KIAA0232: variants seen among roughly 807,000 people sequenced by gnomAD.
The protein encoded by KIAA0232 is uncharacterized protein KIAA0232.
KIAA0232 carries 27 observed loss-of-function variants against 122.0 expected under a neutral mutation model. The observed-to-expected ratio is 0.22, with a 90% confidence interval of 0.16 to 0.31. The LOEUF is 0.31. KIAA0232 is among the 10% of genes least tolerant of loss of function. KIAA0232 has a pLI of 1.00. For synonymous variants in KIAA0232, 613 were observed against 587.6 expected (o/e 1.04, Z -0.63); for missense variants, 1,551 against 1,634.2 (o/e 0.95, Z 0.88).
intron 2 of KIAA0232, among the ~76,000 whole-genome samples, chr4:6,819,535 A>G (rs1198735738): frequency 6.6e-6 from 1 of 152,226 alleles, no homozygotes; most frequent in Non-Finnish European, 1.5e-5. Flanking sequence ...AGAGAAATGC[A>G]AATCAAAACC....
At chr4:6,836,313 GTTGT>G (rs780901365) in intron 3 of KIAA0232, among the ~76,000 whole-genome samples, 320 of 150,230 alleles carry the variant, frequency 2.1e-3, no homozygotes, top group Non-Finnish European at 2.7e-3. Context: ...TTTTGATGGG[GTTGT>G]TTGTTTGTTT....
rs1304864905 is a variant in KIAA0232, at chr4:6,862,692, C to T, written c.2310C>T (p.Asn770=). 6.2e-7 allele frequency: 1 copy of T among 1,611,084 alleles called. No individual in the cohort carries two copies. Among genetic ancestry groups the T allele is most frequent in the African/African-American group, 1.3e-5 (1 of 74,626 alleles). Residue 770 remains asparagine, a synonymous_variant, in exon 7 of 10, where the codon AAC becomes AAT. Transcript: ENST00000307659. ...TGCAAGATGAAACTTGCCAGCAAAACAGTAGAACTTTAGGTGAGATTCCTA... is the reference window on the plus strand; with the variant it reads ...TGCAAGATGAAACTTGCCAGCAAAATAGTAGAACTTTAGGTGAGATTCCTA... ...DFLQDETCQQ[N]SRTLGEIPTL...
At chr4:6,809,335 T>G (rs1717773546) in intron 2 of KIAA0232, among the ~76,000 whole-genome samples, 1 of 152,190 alleles carries the variant, frequency 6.6e-6, no homozygotes, top group Non-Finnish European at 1.5e-5. Flanking sequence ...CTAAGAGACT[T>G]GCTTTGACTC....
chr4:6,862,462 A>T lies in KIAA0232; in HGVS notation c.2080A>T (p.Asn694Tyr). The T allele has an allele frequency of 6.2e-7, 1 of 1,614,178 alleles. No homozygotes were observed. Among genetic ancestry groups the T allele is most frequent in the South Asian group, 1.1e-5 (1 of 91,084 alleles). The change falls in exon 7 of 10, where the codon AAT (asparagine) becomes TAT (tyrosine). Residue 694 changes from asparagine to tyrosine, a missense_variant. Physicochemically the swap from Asn to Tyr is moderately radical, Grantham distance 143. Transcript: ENST00000307659. ...TQSRLLIWTKNSAFEENEHCS... is the reference protein window; with the variant it reads ...TQSRLLIWTKYSAFEENEHCS... ...GTCTAGATTGCTAATATGGACCAAAAATAGTGCCTTTGAAGAAAATGAACA... is the reference window on the plus strand; with the variant it reads ...GTCTAGATTGCTAATATGGACCAAATATAGTGCCTTTGAAGAAAATGAACA...
At chr4:6,877,606 T>A (rs1449699654) in intron 9 of KIAA0232, among the ~76,000 whole-genome samples, 1 of 152,032 alleles carries the variant, frequency 6.6e-6, no homozygotes, top group Admixed American at 6.5e-5. Context: ...ACTGAAGAAC[T>A]TGGAGTCCGA....
At chr4:6,847,225 C>A (rs1203950411) in intron 4 of KIAA0232, among the ~76,000 whole-genome samples, 1 of 152,114 alleles carries the variant, frequency 6.6e-6, no homozygotes, top group Non-Finnish European at 1.5e-5. Context: ...GTTATAGTTA[C>A]AATGTGAACT....
At chr4:6,823,542 G>A (rs926310947) in intron 2 of KIAA0232, among the ~76,000 whole-genome samples, 8 of 152,008 alleles carry the variant, frequency 5.3e-5, no homozygotes, top group African/African-American at 9.7e-5. Flanking sequence ...CTAAAGTTTC[G>A]AGCCTTACAA....
chr4:6,880,608 C>T (rs1722020712), intron 9 of KIAA0232, among the ~76,000 whole-genome samples, 179 bp from the exon 10 acceptor site: 1 of 152,220 alleles, frequency 6.6e-6, no homozygotes, highest in South Asian at 2.1e-4. Flanking sequence ...GATTTTGGAT[C>T]CTTCATGGAT....
intron 1 of KIAA0232, among the ~76,000 whole-genome samples, chr4:6,800,038 TC>T (rs1560163342): frequency 8.3e-6 from 1 of 121,022 alleles, no homozygotes; most frequent in African/African-American, 3.1e-5. Context: ...TTTCTTTCTT[TC>T]TTTCTTTTTT....
At chr4:6,831,239 G>A (rs1043458510) in intron 3 of KIAA0232, among the ~76,000 whole-genome samples, 11 of 151,674 alleles carry the variant, frequency 7.3e-5, no homozygotes, top group Admixed American at 5.3e-4. Flanking sequence ...TATTTTTAGT[G>A]GAGACAGGGT....
intron 3 of KIAA0232, among the ~76,000 whole-genome samples, chr4:6,825,308 T>C (rs763635964): frequency 6.6e-6 from 1 of 152,168 alleles, no homozygotes; most frequent in East Asian, 1.9e-4. Flanking sequence ...CCCAACACTT[T>C]GGGAGGCCGA....
chr4:6,784,011 G>C (rs1716492996), intron 1 of KIAA0232, among the ~76,000 whole-genome samples: 1 of 152,152 alleles, frequency 6.6e-6, no homozygotes, highest in African/African-American at 2.4e-5. Context: ...TCTTGGTACA[G>C]ACCCCTAAAT....
chr4:6,863,542 G>A lies in KIAA0232; in HGVS notation c.3160G>A (p.Val1054Ile), dbSNP rs2108804225. The A allele has an allele frequency of 1.2e-6, 2 of 1,614,102 alleles. No homozygotes were observed. Among genetic ancestry groups the A allele is most frequent in the Middle Eastern group, 3.3e-4 (2 of 6,062 alleles). Residue 1054 changes from valine to isoleucine, a missense_variant, in exon 7 of 10, where the codon GTA (valine) becomes ATA (isoleucine). Around this residue, in one of 5 missense-constraint regions of KIAA0232, gnomAD observed 1,108 missense variants for 1,154.8 expected, o/e 0.96. Coordinates refer to ENST00000307659, the MANE Select transcript of KIAA0232 (RefSeq NM_014743.3). ...LSNPFSQVLH[V>I]ECSFEPEGIA... ...CAATCCATTTTCACAAGTTCTTCAT[G>A]TAGAATGCTCATTTGAACCTGAAGG...
intron 8 of KIAA0232, among the ~76,000 whole-genome samples, chr4:6,875,539 T>C (rs1721704907): frequency 6.6e-6 from 1 of 152,098 alleles, no homozygotes; most frequent in African/African-American, 2.4e-5. Flanking sequence ...GCCCAGATGG[T>C]CTTACCCTTG....
chr4:6,784,095 T>C (rs1192535186), intron 1 of KIAA0232, among the ~76,000 whole-genome samples: 1 of 151,982 alleles, frequency 6.6e-6, no homozygotes, highest in African/African-American at 2.4e-5. Context: ...TATAAAGATT[T>C]AACCCAGTTA....
chr4:6,798,852 G>T (rs1234064272), intron 1 of KIAA0232, among the ~76,000 whole-genome samples: 1 of 152,166 alleles, frequency 6.6e-6, no homozygotes, highest in African/African-American at 2.4e-5. Context: ...GTGCCCAGCT[G>T]CTGTGTACTA....
At chr4:6,826,950 A>G (rs1409117278) in intron 3 of KIAA0232, among the ~76,000 whole-genome samples, 4 of 152,240 alleles carry the variant, frequency 2.6e-5, no homozygotes, top group Non-Finnish European at 4.4e-5. Context: ...TTGTGGTCAG[A>G]GATAAGATGA....
rs61021076 is a variant in KIAA0232 at position 6,882,625 on chromosome 4, G to GGTGTGT, written c.*1677_*1682dup. ...ATTTTTTGACACTTTAAGGTGGGTG[G>GGTGTGT]GTGTGTGTGTGTGTGTGTGTGTGCG... On this transcript the variant is annotated 3_prime_UTR_variant, in exon 10 of 10. Coordinates refer to ENST00000307659, the MANE Select transcript of KIAA0232 (RefSeq NM_014743.3). The GGTGTGT allele has an allele frequency of 1.2e-4, 18 of 150,554 alleles. No individual in the cohort carries two copies. The highest frequency in any genetic ancestry group is 1.2e-3 in the East Asian group (6 of 5,144). The allele number at this position is 150,554 out of a possible 1,614,324, so 9.3% of individuals were successfully genotyped here.
chr4:6,794,130 C>T (rs1489817778), intron 1 of KIAA0232, among the ~76,000 whole-genome samples: 2 of 152,200 alleles, frequency 1.3e-5, no homozygotes, highest in Non-Finnish European at 2.9e-5. Flanking sequence ...TTGACTTCCA[C>T]TTGGTCGGAT....
Sources: allele counts gnomAD v4.1 joint callset (sites outside exome capture counted in the v4.1 genomes callset), GRCh38; gene constraint gnomAD v4.1.1; regional missense constraint gnomAD v4.1.1; transcripts MANE v1.5; gene names NCBI Gene and HGNC (gene_info 2026-07-23, HGNC 2026-07-21).